Variants in ESR2 observed in about 807,000 individuals in gnomAD.
ESR2 encodes estrogen receptor 2, also known as estrogen receptor beta.
ESR2 carries 36 observed loss-of-function variants against 49.6 expected under a neutral mutation model. The observed-to-expected ratio is 0.73, with a 90% CI of 0.56 to 0.96. ESR2 has a LOEUF of 0.96. ESR2 is among the 40% of genes least tolerant of loss of function. The pLI is 0.00. For missense variants in ESR2, 714 were observed against 693.0 expected, an observed-to-expected ratio of 1.03 and a Z score of -0.34; for synonymous variants, 320 against 266.1, an observed-to-expected ratio of 1.20 and a Z score of -1.97.
rs747695780 is a variant in ESR2, at chr14:64,283,033, G to A, written c.-48C>T. On this transcript the variant is annotated 5_prime_UTR_variant, in exon 2 of 9. Coordinates refer to ENST00000341099, the MANE Select transcript of ESR2 (RefSeq NM_001437.3). ...AACACCTTGCAAGAAGAGGCACAAA[G>A]GTCATTATAATGTTCTCAAAGATTC... 2.6e-6 allele frequency: 4 copies of A among 1,558,588 alleles called. No individual in the cohort carries two copies. In the South Asian group the frequency reaches 5.0e-5, roughly 19 times the overall value.
Position 64,268,882 on chromosome 14 carries a change from T to A in ESR2, c.565A>T (p.Asn189Tyr), listed in dbSNP as rs1367633095. 1.2e-6 allele frequency: 2 copies of A among 1,612,356 alleles called. No individual in the cohort carries two copies. The highest frequency in any genetic ancestry group is 2.7e-5 in the African/African-American group (2 of 74,872). Reference protein sequence around the residue: ...GHNDYICPATNQCTIDKNRRK... With the variant: ...GHNDYICPATYQCTIDKNRRK... ...CGGTTTTTATCGATTGTACACTGAT[T>A]TGTAGCTGGACAAATATAATCATTA... The change falls in exon 4 of 9, where the codon AAT (asparagine) becomes TAT (tyrosine). Residue 189 changes from asparagine (N) to tyrosine (Y), a missense_variant. Asn to Tyr is a moderately radical substitution (Grantham distance 143). Transcript: ENST00000341099.
chr14:64,334,920 T>C (rs568388288), intron 1 of ESR2, among the ~76,000 whole-genome samples: 3 of 152,362 alleles, frequency 2.0e-5, no homozygotes, highest in Admixed American at 2.0e-4. Flanking sequence ...AGTGCTGGGA[T>C]TACAAGCATG....
At chr14:64,270,759 C>T (rs946276263) in intron 3 of ESR2, among the ~76,000 whole-genome samples, 1 of 152,244 alleles carries the variant, frequency 6.6e-6, no homozygotes, top group African/African-American at 2.4e-5. Flanking sequence ...ATCCACCCGC[C>T]TTGGTCTCCC....
At chr14:64,322,867 G>T (rs1451336459) in intron 1 of ESR2, among the ~76,000 whole-genome samples, 7 of 152,134 alleles carry the variant, frequency 4.6e-5, no homozygotes, top group African/African-American at 1.7e-4. Flanking sequence ...GTGACCAAAA[G>T]AAGGAAATAA....
chr14:64,257,148 C>T (rs2076117076), intron 6 of ESR2, 78 bp downstream of exon 6: 13 of 1,341,568 alleles, frequency 9.7e-6, no homozygotes, highest in African/African-American at 1.4e-5. Context: ...TTAATTGCAG[C>T]ACCCAGGACT....
intron 1 of ESR2, among the ~76,000 whole-genome samples, chr14:64,319,081 TA>T (rs1422293251): frequency 1.3e-5 from 2 of 152,054 alleles, no homozygotes; most frequent in Non-Finnish European, 2.9e-5. Context: ...AGGACTATTT[TA>T]AAACTTGGAT....
intron 3 of ESR2, 69 bp from the exon 4 acceptor site, chr14:64,268,980 C>A: frequency 1.1e-6 from 1 of 905,986 alleles, no homozygotes; most frequent in Non-Finnish European, 1.8e-6. Context: ...TCCTGGTCAA[C>A]AACACTGATA....
At chr14:64,296,642 T>C (rs1043338507), upstream of ESR2, among the ~76,000 whole-genome samples, 2 of 152,220 alleles carry the variant, frequency 1.3e-5, no homozygotes, top group African/African-American at 4.8e-5. Context: ...CTCTGCTCTA[T>C]GCAGAACACT....
chr14:64,337,139 G>C (rs540129420), intron 1 of ESR2, among the ~76,000 whole-genome samples: 4 of 152,322 alleles, frequency 2.6e-5, no homozygotes, highest in African/African-American at 9.6e-5. Context: ...TAAATGAATG[G>C]CTTGTACTGT....
At chr14:64,278,963 C>A (rs1297113188) in intron 3 of ESR2, among the ~76,000 whole-genome samples, 1 of 152,152 alleles carries the variant, frequency 6.6e-6, no homozygotes, top group Non-Finnish European at 1.5e-5. Flanking sequence ...AGAACAGACC[C>A]TTTAAGACCC....
At chr14:64,281,091 G>T (rs974737874) in intron 2 of ESR2, among the ~76,000 whole-genome samples, 1 of 152,122 alleles carries the variant, frequency 6.6e-6, no homozygotes, top group Non-Finnish European at 1.5e-5. Flanking sequence ...ACAAGAAAAA[G>T]GGGGAAGAGA....
At chr14:64,268,243 T>C (rs2076371010) in intron 4 of ESR2, among the ~76,000 whole-genome samples, 4 of 152,252 alleles carry the variant, frequency 2.6e-5, no homozygotes, top group Non-Finnish European at 5.9e-5. Context: ...ATGACTGTCA[T>C]AGAACAAAAT....
intron 1 of ESR2, among the ~76,000 whole-genome samples, chr14:64,283,638 C>A (rs1478864376): frequency 6.7e-6 from 1 of 149,672 alleles, no homozygotes; most frequent in African/African-American, 2.5e-5. Flanking sequence ...GTTGTCCCAG[C>A]TACTCAAGAG....
intron 1 of ESR2, among the ~76,000 whole-genome samples, chr14:64,314,105 G>T (rs941247141): frequency 1.3e-5 from 2 of 151,992 alleles, no homozygotes; most frequent in Non-Finnish European, 2.9e-5. Context: ...GAAATAGTAA[G>T]ATAGACCATA....
chr14:64,260,843 G>A (rs918311743), intron 4 of ESR2, 95 bp from the exon 5 acceptor site: 17 of 1,181,364 alleles, frequency 1.4e-5, no homozygotes, highest in South Asian at 1.9e-5. Context: ...TGTGGGGCAC[G>A]TACCAAAGAT....
At chr14:64,252,324 CAA>C (rs2076005973) in intron 6 of ESR2, among the ~76,000 whole-genome samples, 1 of 148,462 alleles carries the variant, frequency 6.7e-6, no homozygotes, top group Non-Finnish European at 1.5e-5. Flanking sequence ...AAAAAAAAAA[CAA>C]AAACAAAAAC....
chr14:64,319,833 A>G lies in ESR2; in HGVS notation c.-91+18065T>C, dbSNP rs1036146010. 5.9e-5 allele frequency among the ~76,000 whole-genome samples: 9 copies of G among 152,318 alleles called. No individual in the cohort carries two copies. The East Asian group carries it at 1.7e-3, about 29-fold the overall frequency. On this transcript the variant is annotated intron_variant, in intron 1 of 8. Coordinates refer to the ESR2 transcript ENST00000358599. ...AATAGCTCTCATTCATTGCTGATGG[A>G]AATGCAAAATGGAACAGCCATTTTG...
chr14:64,285,361 G>C (rs1013606495), intron 1 of ESR2, among the ~76,000 whole-genome samples: 2 of 152,110 alleles, frequency 1.3e-5, no homozygotes, highest in Non-Finnish European at 2.9e-5. Context: ...ATCTCCTGCT[G>C]TTTTCTTACA....
In ESR2 at chr14:64,234,968, A is replaced by G. The variant is rs1356435199; in HGVS notation, c.1406+2T>C. ...AGCAGAGCAGCTCCTTAGGGCGCGTACCTCGCATGCCTGACGTGGGACAGG... is the reference window on the plus strand; with the variant it reads ...AGCAGAGCAGCTCCTTAGGGCGCGTGCCTCGCATGCCTGACGTGGGACAGG... On this transcript the variant is annotated splice_donor_variant, in intron 8 of 8. Coordinates refer to ENST00000341099, the MANE Select transcript of ESR2 (RefSeq NM_001437.3). LOFTEE classifies it high-confidence loss of function. 1.2e-6 allele frequency: 2 copies of G among 1,613,760 alleles called. No individual in the cohort carries two copies. The highest frequency in any genetic ancestry group is 3.3e-5 in the Admixed American group (2 of 59,984).
Sources: gnomAD v4.1 joint callset for allele counts (sites outside exome capture counted in the v4.1 genomes callset) on GRCh38, gnomAD v4.1.1 for gene constraint, MANE v1.5 for transcripts, NCBI Gene and HGNC (gene_info 2026-07-23, HGNC 2026-07-21) for gene names.